ANO6: variants seen among roughly 807,000 people sequenced by gnomAD.
ANO6 encodes the protein anoctamin 6.
In ANO6, 106 loss-of-function variants were observed where a neutral mutation model predicts 117.5. The observed-to-expected ratio is 0.90, with a 90% CI of 0.77 to 1.06. ANO6 has a LOEUF of 1.06. Among genes scored for constraint, ANO6 ranks in the 50% least tolerant of loss-of-function variants. The probability of loss-of-function intolerance (pLI) is 0.00; values close to 1 mark genes in which losing one functional copy is unlikely to be tolerated. For synonymous variants in ANO6, 367 were observed against 385.1 expected, an observed-to-expected ratio of 0.95 and a Z score of 0.55; for missense variants, 955 against 1,121.1, an observed-to-expected ratio of 0.85 and a Z score of 2.12.
intron 2 of ANO6, among the ~76,000 whole-genome samples, chr12:45,306,012 G>A (rs1237656867): frequency 6.6e-6 from 1 of 152,134 alleles, no homozygotes; most frequent in Non-Finnish European, 1.5e-5. Flanking sequence ...TGGGCCAGTT[G>A]CCTGAGTACA....
chr12:45,258,305 A>G (rs753131598), intron 1 of ANO6, among the ~76,000 whole-genome samples: 1 of 152,238 alleles, frequency 6.6e-6, no homozygotes, highest in Non-Finnish European at 1.5e-5. Flanking sequence ...TTACATACAC[A>G]TGCATACTTA....
intron 1 of ANO6, among the ~76,000 whole-genome samples, chr12:45,292,086 T>TA (rs961373152): frequency 6.6e-6 from 1 of 152,174 alleles, no homozygotes; most frequent in African/African-American, 2.4e-5. Flanking sequence ...ATGAATGGGG[T>TA]AAATACAGCG....
At chr12:45,369,951 G>C (rs574574447) in intron 9 of ANO6, among the ~76,000 whole-genome samples, 1 of 152,162 alleles carries the variant, frequency 6.6e-6, no homozygotes, top group Non-Finnish European at 1.5e-5. Context: ...TGACTTTGCT[G>C]CTTTCCAGGA....
At chr12:45,316,650 G>A (rs1940035561) in intron 2 of ANO6, among the ~76,000 whole-genome samples, 1 of 151,940 alleles carries the variant, frequency 6.6e-6, no homozygotes, top group African/African-American at 2.4e-5. Context: ...GTTACCTCAA[G>A]TCAATTCAAT....
chr12:45,306,422 A>C (rs928119969), intron 2 of ANO6, among the ~76,000 whole-genome samples: 5 of 152,200 alleles, frequency 3.3e-5, no homozygotes, highest in African/African-American at 1.2e-4. Context: ...AGAAAGGCTA[A>C]ATAGAAAAAT....
At chr12:45,418,859 G>A (rs1279799558) in intron 17 of ANO6, among the ~76,000 whole-genome samples, 1 of 152,152 alleles carries the variant, frequency 6.6e-6, no homozygotes. Context: ...ATTAAACTAT[G>A]GGCAATCCCT....
intron 1 of ANO6, among the ~76,000 whole-genome samples, chr12:45,288,895 C>G (rs943337682): frequency 1.3e-5 from 2 of 151,956 alleles, no homozygotes; most frequent in African/African-American, 4.8e-5. Context: ...CTACAGGCGC[C>G]TGCCACCACG....
intron 9 of ANO6, among the ~76,000 whole-genome samples, chr12:45,376,614 A>G: frequency 6.8e-6 from 1 of 148,058 alleles, no homozygotes; most frequent in African/African-American, 2.5e-5. Context: ...AAAAAACCAA[A>G]CACCGCATAT....
At chr12:45,362,059 G>C (rs1941569856) in intron 8 of ANO6, among the ~76,000 whole-genome samples, 1 of 152,004 alleles carries the variant, frequency 6.6e-6, no homozygotes, top group Non-Finnish European at 1.5e-5. Flanking sequence ...ATGAAACATT[G>C]GTGTTAATTC....
In ANO6 at chr12:45,216,134, G is replaced by A; in HGVS notation, c.-188G>A. On this transcript the variant is annotated 5_prime_UTR_variant, in exon 1 of 20. Transcript: ENST00000320560. The stretch of plus-strand genomic sequence containing the variant: ...GCTCGGCAGGCGAGAGGCGTCCTCC[G>A]GCTCTGGGCTCCGGTCGGTGGGTGC... 1.6e-6 allele frequency: 1 copy of A among 623,218 alleles called. No homozygotes were observed. The highest frequency in any genetic ancestry group is 2.8e-6 in the Non-Finnish European group (1 of 361,430). 38.6% of individuals were successfully genotyped at this position (623,218 alleles called of 1,614,324 possible).
chr12:45,258,611 C>A (rs1240634904), intron 1 of ANO6, among the ~76,000 whole-genome samples: 2 of 152,096 alleles, frequency 1.3e-5, no homozygotes, highest in South Asian at 4.1e-4. Flanking sequence ...TACTGCCTTC[C>A]CTGTACACTG....
chr12:45,266,278 C>T (rs1938211751), intron 1 of ANO6, among the ~76,000 whole-genome samples: 1 of 152,146 alleles, frequency 6.6e-6, no homozygotes, highest in Non-Finnish European at 1.5e-5. Flanking sequence ...TGTCATTGAT[C>T]TCTAAACTCC....
intron 1 of ANO6, among the ~76,000 whole-genome samples, chr12:45,245,625 A>G (rs1947813651): frequency 6.6e-6 from 1 of 152,106 alleles, no homozygotes; most frequent in African/African-American, 2.4e-5. Context: ...CTGAATTAAA[A>G]TCATTACTTC....
chr12:45,323,933 G>GTTTTTTT (rs1940370873), intron 2 of ANO6, among the ~76,000 whole-genome samples: 2 of 106,514 alleles, frequency 1.9e-5, no homozygotes, highest in Non-Finnish European at 4.1e-5. Context: ...TGTTGTTGTT[G>GTTTTTTT]TATTTTTTTT....
chr12:45,375,554 A>G (rs1941986032), intron 9 of ANO6, among the ~76,000 whole-genome samples: 1 of 152,224 alleles, frequency 6.6e-6, no homozygotes, highest in South Asian at 2.1e-4. Flanking sequence ...AACGCCACAT[A>G]TCTACAACCA....
intron 10 of ANO6, among the ~76,000 whole-genome samples, chr12:45,385,491 T>C (rs1429704309): frequency 6.6e-6 from 1 of 151,840 alleles, no homozygotes; most frequent in African/African-American, 2.4e-5. Context: ...GGTAAGTGGG[T>C]GGTGTATGTT....
chr12:45,429,139 A>G lies in ANO6; in HGVS notation c.2561A>G (p.Tyr854Cys), dbSNP rs776028603. The change falls in exon 20 of 20, where the codon TAT becomes TGT. Residue 854 changes from tyrosine to cysteine, a missense_variant. Coordinates refer to ENST00000320560, the MANE Select transcript of ANO6 (RefSeq NM_001025356.3). Reference sequence around the variant, plus strand: ...TACTCTGTGAAATTTTTCATTTCATATGCAATTCCCGATGTATCAAAACGC... The same window carrying G: ...TACTCTGTGAAATTTTTCATTTCATGTGCAATTCCCGATGTATCAAAACGC... ...VIYSVKFFISYAIPDVSKRTK... is the reference protein window; with the variant it reads ...VIYSVKFFISCAIPDVSKRTK... 7 of 1,613,690 alleles carry G rather than the reference A, an allele frequency of 4.3e-6. No individual in the cohort carries two copies. The highest frequency in any genetic ancestry group is 2.2e-5 in the East Asian group (1 of 44,854).
chr12:45,236,078 A>G (rs1471954977), intron 1 of ANO6, among the ~76,000 whole-genome samples: 3 of 152,242 alleles, frequency 2.0e-5, no homozygotes, highest in African/African-American at 7.2e-5. Flanking sequence ...ATGCATAGGC[A>G]AAATAGCCCC....
At chr12:45,285,744 A>C (rs1938892216) in intron 1 of ANO6, among the ~76,000 whole-genome samples, 1 of 151,992 alleles carries the variant, frequency 6.6e-6, no homozygotes, top group South Asian at 2.1e-4. Context: ...AAAAAAAAGA[A>C]AAAGAAAAAA....
Sources: gnomAD v4.1 joint callset for allele counts (sites outside exome capture counted in the v4.1 genomes callset) on GRCh38, gnomAD v4.1.1 for gene constraint, MANE v1.5 for transcripts, NCBI Gene and HGNC (gene_info 2026-07-23, HGNC 2026-07-21) for gene names.